Variants in CACNA1A observed in about 807,000 individuals in gnomAD.
CACNA1A encodes the protein voltage-dependent P/Q-type calcium channel subunit alpha-1A.
Under a neutral mutation model 262.4 loss-of-function variants are expected in CACNA1A, and 57 were observed. That is an observed-to-expected ratio of 0.22 (90% CI 0.18 to 0.27). The LOEUF (loss-of-function observed/expected upper bound fraction) is 0.27. Ranked by LOEUF, CACNA1A falls within the 10% of genes least tolerant of loss-of-function variation. CACNA1A has a pLI of 1.00. For synonymous variants in CACNA1A, 1,431 were observed against 1,419.3 expected, an observed-to-expected ratio of 1.01 and a Z score of -0.18; for missense variants, 2,526 against 3,562.8, an observed-to-expected ratio of 0.71 and a Z score of 7.41.
At chr19:13,338,053 A>G (rs975432287) in intron 6 of CACNA1A, among the ~76,000 whole-genome samples, 1 of 152,156 alleles carries the variant, frequency 6.6e-6, no homozygotes, top group African/African-American at 2.4e-5. Context: ...CCCCGTCTCT[A>G]CTAAAAATAC....
intron 1 of CACNA1A, among the ~76,000 whole-genome samples, chr19:13,465,330 C>T (rs1010143731): frequency 5.3e-5 from 8 of 152,186 alleles, no homozygotes; most frequent in Admixed American, 2.6e-4. Flanking sequence ...GAACATACTG[C>T]AGTGCATGCA....
rs150348714 is a variant in CACNA1A, at chr19:13,491,708, C to T, written c.293+14224G>A. Among the ~76,000 whole-genome samples, 76 of 152,182 alleles carry T rather than the reference C, an allele frequency of 5.0e-4. No individual in the cohort carries two copies. In the East Asian group the frequency reaches 0.014, roughly 28 times the overall value. On this transcript the variant is annotated intron_variant, in intron 1 of 46. Coordinates refer to ENST00000360228, the MANE Select transcript of CACNA1A (RefSeq NM_001127222.2). ...TCTAAGGGCCAGGTGTGGTGGTGCA[C>T]ACCGATAGTCCCAACTACTCAGGAG...
intron 38 of CACNA1A, among the ~76,000 whole-genome samples, chr19:13,217,442 C>G (rs948719672): frequency 2.6e-5 from 4 of 152,146 alleles, no homozygotes; most frequent in Admixed American, 6.6e-5. Flanking sequence ...GTTATGTTCT[C>G]CTGAGACCCG....
intron 31 of CACNA1A, among the ~76,000 whole-genome samples, chr19:13,237,730 A>G (rs140638898): frequency 6.6e-6 from 1 of 152,306 alleles, no homozygotes; most frequent in African/African-American, 2.4e-5. Context: ...CCCCAAACCC[A>G]GCTTGGCTAA....
intron 31 of CACNA1A, among the ~76,000 whole-genome samples, chr19:13,238,799 C>A (rs920577457): frequency 6.6e-6 from 1 of 152,080 alleles, no homozygotes; most frequent in Non-Finnish European, 1.5e-5. Context: ...GTTGGTCAGG[C>A]TGGTCTCGAA....
intron 6 of CACNA1A, among the ~76,000 whole-genome samples, chr19:13,340,973 G>C (rs951972742): frequency 5.9e-5 from 9 of 152,216 alleles, no homozygotes; most frequent in African/African-American, 2.2e-4. Flanking sequence ...TCAGGAGGCT[G>C]AGGTAGGAGG....
At chr19:13,359,503 C>T (rs1300411921) in intron 6 of CACNA1A, 103 bp downstream of exon 6, 1 of 906,254 alleles carries the variant, frequency 1.1e-6, no homozygotes, top group East Asian at 2.7e-5. Flanking sequence ...CTGCCTTTCC[C>T]AGCTCAGGGT....
intron 43 of CACNA1A, chr19:13,211,184 AG>A (rs933233166): frequency 5.9e-6 from 1 of 168,874 alleles, no homozygotes; most frequent in Non-Finnish European, 1.3e-5. Flanking sequence ...TGGTCCAGCC[AG>A]GCACAGCACA....
intron 3 of CACNA1A, among the ~76,000 whole-genome samples, chr19:13,433,137 C>T (rs1599443559): frequency 6.6e-6 from 1 of 151,628 alleles, no homozygotes; most frequent in African/African-American, 2.4e-5. Flanking sequence ...ACTAAAAATA[C>T]AAAAAATTAG....
intron 6 of CACNA1A, among the ~76,000 whole-genome samples, chr19:13,353,411 C>T (rs1410308436): frequency 1.3e-5 from 2 of 151,526 alleles, no homozygotes; most frequent in Non-Finnish European, 2.9e-5. Flanking sequence ...GAATTACAGG[C>T]ATGAACCACT....
At chr19:13,459,811 C>A (rs1323025716) in intron 1 of CACNA1A, among the ~76,000 whole-genome samples, 1 of 152,144 alleles carries the variant, frequency 6.6e-6, no homozygotes, top group Non-Finnish European at 1.5e-5. Flanking sequence ...CCGGCTCTGG[C>A]ACTGAAGGTT....
In CACNA1A at chr19:13,211,823, C is replaced by G. The variant is rs2054823877; in HGVS notation, c.6303+280G>C. On this transcript the variant is annotated intron_variant, in intron 43 of 46. Transcript: ENST00000360228. ...CCACAACCTCCCCTGTCTGCAGCCT[C>G]CAACCAGGGCAGCCAGAGACCATTT... 12 of 403,460 alleles carry G rather than the reference C, an allele frequency of 3.0e-5. No individual in the cohort carries two copies. In the South Asian group the frequency reaches 4.0e-4, roughly 14 times the overall value. The allele number at this position is 403,460 out of a possible 1,614,324, so 25.0% of individuals were successfully genotyped here.
At chr19:13,297,387 A>G (rs1279444526) in intron 19 of CACNA1A, among the ~76,000 whole-genome samples, 1 of 152,146 alleles carries the variant, frequency 6.6e-6, no homozygotes, top group Non-Finnish European at 1.5e-5. Context: ...AGCTCACTCA[A>G]TCTCTCAGTT....
At chr19:13,403,999 A>G (rs1351201989) in intron 3 of CACNA1A, among the ~76,000 whole-genome samples, 2 of 152,180 alleles carry the variant, frequency 1.3e-5, no homozygotes, top group South Asian at 2.1e-4. Flanking sequence ...AATGGTACAT[A>G]TGTTCAAATC....
In CACNA1A at chr19:13,334,311, C is replaced by T. The variant is rs540399974; in HGVS notation, c.1198+67G>A. 3.3e-6 allele frequency: 3 copies of T among 896,752 alleles called. No individual in the cohort carries two copies. The East Asian group carries it at 7.2e-5, about 22-fold the overall frequency. 55.5% of individuals were successfully genotyped at this position (896,752 alleles called of 1,614,324 possible). On this transcript the variant is annotated intron_variant, in intron 8 of 46. Transcript: ENST00000360228. ...TCCCAGCTTAGCCTTCTCCAAACTG[C>T]ATGACTCTCTTTGTACTCCGTGGCC... is the stretch of plus-strand genomic sequence containing the variant.
At chr19:13,487,756 T>C (rs1480677122) in intron 1 of CACNA1A, among the ~76,000 whole-genome samples, 1 of 152,050 alleles carries the variant, frequency 6.6e-6, no homozygotes, top group African/African-American at 2.4e-5. Flanking sequence ...TTCATGCTTA[T>C]TACACAGGCA....
chr19:13,292,265 C>A (rs1249706915), intron 19 of CACNA1A, among the ~76,000 whole-genome samples: 1 of 151,984 alleles, frequency 6.6e-6, no homozygotes, highest in Non-Finnish European at 1.5e-5. Flanking sequence ...GAGTGAGCCA[C>A]TGAAAGACAG....
At chr19:13,288,650 T>C (rs2057462442) in intron 19 of CACNA1A, among the ~76,000 whole-genome samples, 1 of 152,122 alleles carries the variant, frequency 6.6e-6, no homozygotes, top group Non-Finnish European at 1.5e-5. Context: ...CTCCAAGCCA[T>C]GGACACCTGG....
rs779703197 is a variant in CACNA1A at position 13,235,753 on chromosome 19, G to A, written c.4951-23C>T. ...ATTCTGGGGAGATGGAGGAAGAGGG[G>A]TGACCATCCACCCACCCCAAAAGGC... On this transcript the variant is annotated intron_variant, in intron 31 of 46. Transcript: ENST00000360228. 9.7e-6 allele frequency: 15 copies of A among 1,554,260 alleles called. No individual in the cohort carries two copies. In the East Asian group the frequency reaches 2.9e-4, roughly 30 times the overall value.
Sources: allele counts gnomAD v4.1 joint callset (sites outside exome capture counted in the v4.1 genomes callset), GRCh38; gene constraint gnomAD v4.1.1; transcripts MANE v1.5; gene names NCBI Gene and HGNC (gene_info 2026-07-23, HGNC 2026-07-21).